The following CTNNAL1 variants were observed in gnomAD, a reference collection of about 807,000 sequenced individuals.
The protein encoded by CTNNAL1 is alpha-catulin.
In CTNNAL1, 69 loss-of-function variants were observed where a neutral mutation model predicts 93.6. That is an observed-to-expected ratio of 0.74 (90% confidence interval 0.61 to 0.90). The LOEUF is 0.90. CTNNAL1 is among the 40% of genes least tolerant of loss of function. The pLI, the probability that CTNNAL1 is intolerant of heterozygous loss-of-function variation, is 0.00. For missense variants in CTNNAL1, 836 were observed against 862.0 expected (o/e 0.97, Z 0.38); for synonymous variants, 286 against 305.4 (o/e 0.94, Z 0.66).
In CTNNAL1 at chr9:108,984,451, A is replaced by C. The variant is rs773067858; in HGVS notation, c.640-15T>G. Reference sequence around the variant, plus strand: ...TCTTTCAAATCCTAAATATGAAATAAAATCACGGAGGAGTCTAAGACCATG... The same window carrying C: ...TCTTTCAAATCCTAAATATGAAATACAATCACGGAGGAGTCTAAGACCATG... On this transcript the variant is annotated splice_polypyrimidine_tract_variant and intron_variant, in intron 4 of 18. Transcript: ENST00000325551. The C allele has an allele frequency of 6.6e-7, 1 of 1,509,646 alleles. No individual in the cohort carries two copies. The highest frequency in any genetic ancestry group is 1.1e-5 in the South Asian group (1 of 88,884). 93.5% of individuals were successfully genotyped at this position (1,509,646 alleles called of 1,614,324 possible). A position where few individuals can be genotyped will look rare whatever the true frequency, so the allele number is the denominator to read the frequency against.
intron 11 of CTNNAL1, among the ~76,000 whole-genome samples, chr9:108,959,983 C>A (rs983155474): frequency 6.6e-6 from 1 of 152,144 alleles, no homozygotes; most frequent in Admixed American, 6.5e-5. Flanking sequence ...CAAAATAAAT[C>A]GAATTCCCCA....
At chr9:108,997,881 T>C (rs1026868827) in intron 2 of CTNNAL1, among the ~76,000 whole-genome samples, 3 of 152,154 alleles carry the variant, frequency 2.0e-5, no homozygotes, top group African/African-American at 7.2e-5. Context: ...TCCTAACTGG[T>C]TTCTCTGAAT....
At chr9:109,006,520 G>A (rs1827031964) in intron 1 of CTNNAL1, among the ~76,000 whole-genome samples, 5 of 152,278 alleles carry the variant, frequency 3.3e-5, no homozygotes. Flanking sequence ...TAGCAAGAGT[G>A]CTTTGTAAAT....
At chr9:108,970,319 C>G (rs1427928867) in intron 10 of CTNNAL1, 83 bp downstream of exon 10, 4 of 1,256,432 alleles carry the variant, frequency 3.2e-6, no homozygotes, top group Non-Finnish European at 4.3e-6. Flanking sequence ...TTATGAAAAA[C>G]CATTTATACC....
intron 6 of CTNNAL1, among the ~76,000 whole-genome samples, chr9:108,980,080 C>T (rs1259921956): frequency 6.6e-6 from 1 of 152,232 alleles, no homozygotes. Context: ...CCATCTGATA[C>T]TGCCACCTCC....
chr9:108,984,310 A>T, intron 5 of CTNNAL1, 37 bp downstream of exon 5: 1 of 1,026,362 alleles, frequency 9.7e-7, no homozygotes, highest in Non-Finnish European at 1.5e-6. Flanking sequence ...TGTTCTAATT[A>T]TTAATTTATT....
chr9:108,971,340 G>A (rs1352572521), intron 9 of CTNNAL1, among the ~76,000 whole-genome samples: 1 of 152,174 alleles, frequency 6.6e-6, no homozygotes, highest in Non-Finnish European at 1.5e-5. Flanking sequence ...TACACATGTT[G>A]GCTAGCAAAT....
At chr9:108,969,754 G>T (rs2132126548) in intron 10 of CTNNAL1, among the ~76,000 whole-genome samples, 1 of 152,258 alleles carries the variant, frequency 6.6e-6, no homozygotes, top group East Asian at 1.9e-4. Flanking sequence ...CTGGACTAAA[G>T]CTATCCCCCT....
chr9:108,991,865 A>G (rs1831818922), intron 3 of CTNNAL1: 1 of 564,136 alleles, frequency 1.8e-6, no homozygotes, highest in Non-Finnish European at 3.2e-6. Context: ...AAGTGATCGT[A>G]CATACCCTGG....
chr9:108,960,171 T>C lies in CTNNAL1; in HGVS notation c.1592-4344A>G, dbSNP rs531410217. Among the ~76,000 whole-genome samples, 4 of 152,300 alleles carry C rather than the reference T, an allele frequency of 2.6e-5. No individual in the cohort carries two copies. In the South Asian group the frequency reaches 8.3e-4, roughly 32 times the overall value. On this transcript the variant is annotated intron_variant, in intron 11 of 18. Coordinates refer to ENST00000325551, the MANE Select transcript of CTNNAL1 (RefSeq NM_003798.4). ...TGACCACTAAAGCATAGGCAGCTTA[T>C]CAGCTAAACTCAGGAGCAGGAATGA...
intron 10 of CTNNAL1, among the ~76,000 whole-genome samples, chr9:108,965,861 T>C (rs2132119573): frequency 6.6e-6 from 1 of 152,210 alleles, no homozygotes; most frequent in South Asian, 2.1e-4. Context: ...CCACAAAAAG[T>C]GTACTGTATA....
chr9:109,005,391 C>T (rs73527207), intron 1 of CTNNAL1, among the ~76,000 whole-genome samples: 3,514 of 152,182 alleles, frequency 0.023, 134 homozygotes, highest in African/African-American at 0.081. Context: ...CTCCCACTCC[C>T]CCTCCACAAA....
intron 9 of CTNNAL1, among the ~76,000 whole-genome samples, chr9:108,972,158 C>A (rs1831131709): frequency 6.6e-6 from 1 of 152,188 alleles, no homozygotes; most frequent in Non-Finnish European, 1.5e-5. Flanking sequence ...CCTCTCAAGG[C>A]AGTTCTCTGA....
intron 6 of CTNNAL1, among the ~76,000 whole-genome samples, chr9:108,981,288 A>G (rs1233627338): frequency 6.6e-6 from 1 of 152,250 alleles, no homozygotes; most frequent in Non-Finnish European, 1.5e-5. Context: ...TCTTTCAGCA[A>G]TAAAATTTCT....
At chr9:108,993,832 T>G (rs1467842204) in intron 2 of CTNNAL1, among the ~76,000 whole-genome samples, 1 of 152,258 alleles carries the variant, frequency 6.6e-6, no homozygotes, top group African/African-American at 2.4e-5. Context: ...TCAATTCTAT[T>G]ACATACACAC....
At chr9:108,972,864 G>GGGGGCGCCCCCC in intron 8 of CTNNAL1, 31 bp from the exon 9 acceptor site, 6 of 142,518 alleles carry the variant, frequency 4.2e-5, no homozygotes, top group Middle Eastern at 1.9e-3. Context: ...GGGGGGGTGG[G>GGGGGCGCCCCCC]AGGGTGGAGA....
At chr9:108,959,154 T>C (rs183801265) in intron 11 of CTNNAL1, among the ~76,000 whole-genome samples, 25 of 148,780 alleles carry the variant, frequency 1.7e-4, no homozygotes, top group African/African-American at 6.0e-4. Flanking sequence ...GGTCAGGAGA[T>C]CGAGACCATC....
chr9:108,958,914 T>A (rs1408696722), intron 11 of CTNNAL1, among the ~76,000 whole-genome samples: 1 of 151,320 alleles, frequency 6.6e-6, no homozygotes, highest in Non-Finnish European at 1.5e-5. Flanking sequence ...TAGATGTTAT[T>A]TCCATGTGAA....
At chr9:108,943,380 A>G (rs1830303746) in intron 17 of CTNNAL1, among the ~76,000 whole-genome samples, 1 of 152,238 alleles carries the variant, frequency 6.6e-6, no homozygotes, top group East Asian at 1.9e-4. Flanking sequence ...TTTTGTGGGC[A>G]CAAACCCATA....
Sources: allele counts gnomAD v4.1 joint callset (sites outside exome capture counted in the v4.1 genomes callset), GRCh38; gene constraint gnomAD v4.1.1; transcripts MANE v1.5; gene names NCBI Gene and HGNC (gene_info 2026-07-23, HGNC 2026-07-21).